GRIA4: variants seen among roughly 807,000 people sequenced by gnomAD.
GRIA4 encodes the protein glutamate ionotropic receptor AMPA type subunit 4, also known as glutamate receptor 4.
GRIA4 carries 34 observed loss-of-function variants against 104.0 expected under a neutral mutation model. The ratio of observed to expected loss-of-function variants is 0.33; its 90% CI spans 0.25 to 0.44. The LOEUF is 0.44. Ranked by LOEUF, GRIA4 falls within the 20% of genes least tolerant of loss-of-function variation. The pLI is 1.00. For synonymous variants in GRIA4, 386 were observed against 381.9 expected (o/e 1.01, Z -0.13); for missense variants, 750 against 1,096.5 (o/e 0.68, Z 4.46).
At chr11:105,666,576 T>C (rs1217516401) in intron 3 of GRIA4, among the ~76,000 whole-genome samples, 2 of 151,952 alleles carry the variant, frequency 1.3e-5, no homozygotes, top group African/African-American at 4.8e-5. Context: ...TAAATGATTA[T>C]TATATTTATT....
intron 3 of GRIA4, among the ~76,000 whole-genome samples, chr11:105,691,935 CAAAAA>C (rs202074069): frequency 3.9e-5 from 3 of 76,338 alleles, no homozygotes; most frequent in African/African-American, 1.1e-4. Context: ...AACTCCGTCT[CAAAAA>C]AAAAAAAAAA....
chr11:105,888,488 G>A (rs1361913133), intron 6 of GRIA4, among the ~76,000 whole-genome samples: 9 of 150,376 alleles, frequency 6.0e-5, no homozygotes, highest in Non-Finnish European at 1.2e-4. Context: ...GGGTTTCACC[G>A]TTTTAGCCGG....
At chr11:105,738,289 C>T (rs1474751813) in intron 3 of GRIA4, among the ~76,000 whole-genome samples, 1 of 152,126 alleles carries the variant, frequency 6.6e-6, no homozygotes, top group Admixed American at 6.6e-5. Context: ...TCTCAAATAC[C>T]TTTCACATAT....
At chr11:105,917,280 C>A (rs1460544604) in intron 10 of GRIA4, among the ~76,000 whole-genome samples, 9 of 152,122 alleles carry the variant, frequency 5.9e-5, no homozygotes, top group Admixed American at 4.6e-4. Context: ...CAACCTAAGG[C>A]AGGATTTAAG....
chr11:105,917,779 C>A (rs1417353458), intron 10 of GRIA4, among the ~76,000 whole-genome samples: 1 of 149,706 alleles, frequency 6.7e-6, no homozygotes, highest in African/African-American at 2.5e-5. Context: ...GCTAAAATGT[C>A]TCTTTAGTGC....
chr11:105,900,990 T>G (rs1946834664), intron 7 of GRIA4, among the ~76,000 whole-genome samples: 1 of 152,090 alleles, frequency 6.6e-6, no homozygotes, highest in South Asian at 2.1e-4. Context: ...TGTGATTCCT[T>G]TCCCCCTTGT....
chr11:105,795,842 C>G (rs945252955), intron 4 of GRIA4, among the ~76,000 whole-genome samples: 2 of 152,076 alleles, frequency 1.3e-5, no homozygotes, highest in Non-Finnish European at 2.9e-5. Flanking sequence ...TTGGCATAAA[C>G]TTTATAGCTG....
In GRIA4 at chr11:105,792,251, C is replaced by G. The variant is rs929497568; in HGVS notation, c.487+39031C>G. 4.6e-5 allele frequency among the ~76,000 whole-genome samples: 7 copies of G among 152,138 alleles called. No individual in the cohort carries two copies. The South Asian group carries it at 8.3e-4, about 18-fold the overall frequency. On this transcript the variant is annotated intron_variant, in intron 4 of 16. Coordinates refer to ENST00000282499, the MANE Select transcript of GRIA4 (RefSeq NM_000829.4). ...GAAAGTACAAGAAATAAACGAACATCAAGAGCTAGAACTTAAATTATGTTA... is the reference window on the plus strand; with the variant it reads ...GAAAGTACAAGAAATAAACGAACATGAAGAGCTAGAACTTAAATTATGTTA...
chr11:105,864,776 A>G (rs910510038), intron 5 of GRIA4, among the ~76,000 whole-genome samples: 3 of 152,170 alleles, frequency 2.0e-5, no homozygotes, highest in African/African-American at 7.2e-5. Flanking sequence ...AGGCTGAGGC[A>G]GGAGAATCAC....
chr11:105,864,908 AT>A (rs1314312508), intron 5 of GRIA4, among the ~76,000 whole-genome samples: 1 of 152,206 alleles, frequency 6.6e-6, no homozygotes, highest in Non-Finnish European at 1.5e-5. Context: ...CACATTTCAT[AT>A]TATGGTAGCA....
intron 8 of GRIA4, 70 bp downstream of exon 8, chr11:105,904,051 A>G: frequency 1.9e-6 from 2 of 1,073,198 alleles, no homozygotes; most frequent in Non-Finnish European, 2.8e-6. Context: ...CAAAAAACAG[A>G]CTAATTTATC....
At chr11:105,657,986 C>G (rs1186235644) in intron 3 of GRIA4, among the ~76,000 whole-genome samples, 2 of 151,354 alleles carry the variant, frequency 1.3e-5, no homozygotes, top group Non-Finnish European at 3.0e-5. Flanking sequence ...TTTTAAGTTA[C>G]TTATCTGTGT....
chr11:105,651,232 T>C lies in GRIA4; in HGVS notation c.247+38798T>C, dbSNP rs921713287. Among the ~76,000 whole-genome samples, 23 of 152,182 alleles carry C rather than the reference T, an allele frequency of 1.5e-4. 1 individual carries two copies. The highest frequency in any genetic ancestry group is 4.1e-4 in the African/African-American group (17 of 41,454). On this transcript the variant is annotated intron_variant, in intron 3 of 16. Transcript: ENST00000282499. ...AAGTGGCAATCAATGTAAATACTTT[T>C]TTTCAAGTAATATTTTCCTTAAATA... is the stretch of plus-strand genomic sequence containing the variant.
At chr11:105,961,340 C>T (rs111917901) in intron 14 of GRIA4, among the ~76,000 whole-genome samples, 227 of 152,112 alleles carry the variant, frequency 1.5e-3, no homozygotes, top group African/African-American at 5.3e-3. Context: ...ATGTTTTTTG[C>T]TGACTTTAAA....
intron 4 of GRIA4, among the ~76,000 whole-genome samples, chr11:105,771,331 C>T (rs1294709109): frequency 2.0e-5 from 3 of 151,988 alleles, no homozygotes; most frequent in Non-Finnish European, 4.4e-5. Flanking sequence ...TTCAATATTT[C>T]ATGTTTTCTG....
chr11:105,770,049 T>C (rs568086127), intron 4 of GRIA4, among the ~76,000 whole-genome samples: 1 of 152,232 alleles, frequency 6.6e-6, no homozygotes, highest in East Asian at 1.9e-4. Context: ...ATTTTCCTTA[T>C]GTCATAACAT....
chr11:105,884,211 A>G (rs551297479), intron 5 of GRIA4, among the ~76,000 whole-genome samples: 1 of 152,366 alleles, frequency 6.6e-6, no homozygotes, highest in Non-Finnish European at 1.5e-5. Flanking sequence ...ACTTGTGTGA[A>G]CACAGTTCCA....
intron 4 of GRIA4, among the ~76,000 whole-genome samples, chr11:105,791,378 CAAT>C (rs1942208972): frequency 6.6e-6 from 1 of 152,092 alleles, no homozygotes; most frequent in Non-Finnish European, 1.5e-5. Context: ...CAACAAAAAA[CAAT>C]GATTGTGCAT....
chr11:105,620,473 T>A (rs1296261553), intron 3 of GRIA4, among the ~76,000 whole-genome samples: 2 of 151,860 alleles, frequency 1.3e-5, no homozygotes, highest in African/African-American at 2.4e-5. Flanking sequence ...TACCACAGCA[T>A]CTTGATCAAT....
Sources: allele counts gnomAD v4.1 joint callset (sites outside exome capture counted in the v4.1 genomes callset), GRCh38; gene constraint gnomAD v4.1.1; transcripts MANE v1.5; gene names NCBI Gene and HGNC (gene_info 2026-07-23, HGNC 2026-07-21).